WWOX: variants seen among roughly 807,000 people sequenced by gnomAD.
WWOX encodes the protein WW domain containing oxidoreductase.
A neutral mutation model predicts 46.2 loss-of-function variants in WWOX; 69 were observed. The observed-to-expected ratio is 1.49, with a 90% CI of 1.23 to 1.82. The LOEUF (loss-of-function observed/expected upper bound fraction) is 1.82, where lower values mean the gene tolerates loss of function less well. WWOX is among the 40% of genes most tolerant of loss of function. WWOX has a pLI of 0.00. For missense variants in WWOX, 919 were observed against 542.6 expected (o/e 1.69, Z -6.89); for synonymous variants, 359 against 202.6 (o/e 1.77, Z -6.56).
chr16:79,008,705 A>C (rs1284657727), intron 8 of WWOX, among the ~76,000 whole-genome samples: 1 of 152,148 alleles, frequency 6.6e-6, no homozygotes, highest in African/African-American at 2.4e-5. Context: ...CACTCCCTCC[A>C]GCACCTGGCC....
chr16:78,537,694 C>G (rs954031103), intron 8 of WWOX, among the ~76,000 whole-genome samples: 1 of 151,886 alleles, frequency 6.6e-6, no homozygotes, highest in Non-Finnish European at 1.5e-5. Context: ...AGCCAGGGTC[C>G]CAGCTGCCAC....
chr16:78,183,958 T>C (rs1597322924), intron 5 of WWOX, among the ~76,000 whole-genome samples: 1 of 152,220 alleles, frequency 6.6e-6, no homozygotes, highest in Non-Finnish European at 1.5e-5. Flanking sequence ...GCTTGCATCC[T>C]AAAAGCCTGC....
rs549460758 is a variant in WWOX at position 78,977,359 on chromosome 16, T to C, written c.1057-234249T>C. 3.8e-4 allele frequency among the ~76,000 whole-genome samples: 58 copies of C among 152,290 alleles called. No individual in the cohort carries two copies. The South Asian group carries it at 6.0e-3, about 16-fold the overall frequency. ...GAGGCCTGAGATCCTCCAGATCCTG[T>C]TCATTTGCCTTATTCGTTATGACCA... On this transcript the variant is annotated intron_variant, in intron 8 of 8. Transcript: ENST00000566780.
At chr16:79,048,001 TC>T (rs1456603297) in intron 8 of WWOX, among the ~76,000 whole-genome samples, 1 of 152,104 alleles carries the variant, frequency 6.6e-6, no homozygotes, top group East Asian at 1.9e-4. Context: ...CCTGAAAATA[TC>T]CCTTGTGGTC....
intron 8 of WWOX, among the ~76,000 whole-genome samples, chr16:78,585,709 T>C (rs540031634): frequency 2.8e-4 from 42 of 151,818 alleles, no homozygotes; most frequent in Non-Finnish European, 5.9e-4. Context: ...TTTTTTTGTT[T>C]TTTTGCCTAA....
At chr16:78,524,970 A>G (rs1488752013) in intron 8 of WWOX, among the ~76,000 whole-genome samples, 4 of 149,518 alleles carry the variant, frequency 2.7e-5, no homozygotes, top group African/African-American at 4.9e-5. Context: ...GGCTCAAGCA[A>G]TCTTCGTGTT....
At chr16:78,371,460 G>A (rs940460713) in intron 5 of WWOX, among the ~76,000 whole-genome samples, 2 of 152,080 alleles carry the variant, frequency 1.3e-5, no homozygotes, top group African/African-American at 4.8e-5. Flanking sequence ...GTGTTCTGTA[G>A]CTCTTTTAGT....
intron 8 of WWOX, among the ~76,000 whole-genome samples, chr16:78,591,046 C>G (rs181536755): frequency 6.6e-6 from 1 of 152,122 alleles, no homozygotes. Flanking sequence ...TGTTATCTGC[C>G]CTAGTCTGAA....
chr16:79,017,677 T>G (rs1255137352), intron 8 of WWOX, among the ~76,000 whole-genome samples: 2 of 152,058 alleles, frequency 1.3e-5, no homozygotes, highest in Non-Finnish European at 2.9e-5. Context: ...AAATTTGAAT[T>G]CCATATGTCA....
chr16:78,611,917 G>A (rs1051064723), intron 8 of WWOX, among the ~76,000 whole-genome samples: 1 of 152,168 alleles, frequency 6.6e-6, no homozygotes, highest in Non-Finnish European at 1.5e-5. Flanking sequence ...ATGTATACAA[G>A]CCAGAAGCCA....
At chr16:79,133,877 A>C (rs1196763077) in intron 8 of WWOX, among the ~76,000 whole-genome samples, 1 of 152,236 alleles carries the variant, frequency 6.6e-6, no homozygotes, top group Non-Finnish European at 1.5e-5. Flanking sequence ...AATGTGCAAA[A>C]TCTTGGAGGT....
intron 8 of WWOX, among the ~76,000 whole-genome samples, chr16:79,006,229 A>G (rs1190789300): frequency 6.6e-6 from 1 of 152,186 alleles, no homozygotes; most frequent in Non-Finnish European, 1.5e-5. Context: ...TTTAAGGATA[A>G]GTGGCATTTG....
chr16:79,005,394 A>G (rs1412732950), intron 8 of WWOX, among the ~76,000 whole-genome samples: 2 of 152,180 alleles, frequency 1.3e-5, no homozygotes, highest in South Asian at 2.1e-4. Flanking sequence ...GGCATAGCAC[A>G]TTCGTTTCTT....
chr16:78,391,497 A>T lies in WWOX; in HGVS notation c.605+4549A>T, dbSNP rs79327837. ...AAAACGACTTTTTGTTACTTTGCACACTTCAGTCATAGGAATTTCAGTGTG... is the reference window on the plus strand; with the variant it reads ...AAAACGACTTTTTGTTACTTTGCACTCTTCAGTCATAGGAATTTCAGTGTG... On this transcript the variant is annotated intron_variant, in intron 6 of 8. Coordinates refer to ENST00000566780, the MANE Select transcript of WWOX (RefSeq NM_016373.4). Among the ~76,000 whole-genome samples, 942 of 152,298 alleles carry T rather than the reference A, an allele frequency of 6.2e-3. 12 individuals are homozygous for T. Among genetic ancestry groups the T allele is most frequent in the African/African-American group, 0.022 (904 of 41,558 alleles).
intron 8 of WWOX, among the ~76,000 whole-genome samples, chr16:79,187,413 G>A (rs2051038699): frequency 6.6e-6 from 1 of 152,136 alleles, no homozygotes; most frequent in Non-Finnish European, 1.5e-5. Flanking sequence ...GTTCTGTTGT[G>A]TTTTTGAGAC....
intron 8 of WWOX, among the ~76,000 whole-genome samples, chr16:78,961,974 T>TGCCTTAAACAGATCCCTTG (rs2046279521): frequency 6.6e-6 from 1 of 152,148 alleles, no homozygotes; most frequent in Non-Finnish European, 1.5e-5. Flanking sequence ...AAGTCTTTGT[T>TGCCTTAAACAGATCCCTTG]GCCTTAAACA....
At chr16:79,064,820 T>A (rs941352327) in intron 8 of WWOX, among the ~76,000 whole-genome samples, 1 of 152,194 alleles carries the variant, frequency 6.6e-6, no homozygotes, top group Non-Finnish European at 1.5e-5. Flanking sequence ...TTAACTTATT[T>A]ATGAATTATC....
At chr16:79,119,366 A>G (rs34793632) in intron 8 of WWOX, among the ~76,000 whole-genome samples, 52 of 152,210 alleles carry the variant, frequency 3.4e-4, no homozygotes, top group Non-Finnish European at 6.9e-4. Flanking sequence ...ATATTAATGG[A>G]TGACAAGTGG....
In WWOX at chr16:78,398,045, A is replaced by G. The variant is rs113082445; in HGVS notation, c.605+11097A>G. 7.9e-5 allele frequency among the ~76,000 whole-genome samples: 12 copies of G among 152,312 alleles called. 1 individual carries two copies. The highest frequency in any genetic ancestry group is 2.6e-4 in the African/African-American group (11 of 41,574). On this transcript the variant is annotated intron_variant, in intron 6 of 8. Coordinates refer to ENST00000566780, the MANE Select transcript of WWOX (RefSeq NM_016373.4). ...ACATTTACTGTGAATGTCACTGTCC[A>G]TTTCCACTTTCTTTCTACTTGTCTT... is the stretch of plus-strand genomic sequence containing the variant.
Sources: allele counts gnomAD v4.1 joint callset (sites outside exome capture counted in the v4.1 genomes callset), GRCh38; gene constraint gnomAD v4.1.1; transcripts MANE v1.5; gene names NCBI Gene and HGNC (gene_info 2026-07-23, HGNC 2026-07-21).